The following CYB5R3 variants were observed in gnomAD, a reference collection of about 807,000 sequenced individuals.
The protein encoded by CYB5R3 is cytochrome b5 reductase 3.
Under a neutral mutation model 36.5 loss-of-function variants are expected in CYB5R3, and 28 were observed. The observed-to-expected ratio is 0.77, with a 90% CI of 0.57 to 1.05. The LOEUF (loss-of-function observed/expected upper bound fraction) is 1.05. Ranked by LOEUF, CYB5R3 falls within the 50% of genes least tolerant of loss-of-function variation. The probability of loss-of-function intolerance (pLI) is 0.00; values close to 1 mark genes in which losing one functional copy is unlikely to be tolerated. For synonymous variants in CYB5R3, 181 were observed against 159.8 expected (o/e 1.13, Z -1.00); for missense variants, 474 against 408.9 (o/e 1.16, Z -1.37).
At chr22:42,647,079 T>TGC in intron 1 of CYB5R3, 1 of 659,054 alleles carries the variant, frequency 1.5e-6, no homozygotes, top group Non-Finnish European at 1.9e-6. Flanking sequence ...ATAAGACACC[T>TGC]AGAGCACCAG....
At chr22:42,634,786 C>T (rs1261907458) in intron 2 of CYB5R3, among the ~76,000 whole-genome samples, 7 of 106,096 alleles carry the variant, frequency 6.6e-5, no homozygotes, top group Middle Eastern at 5.5e-3. Context: ...CCACCACGCC[C>T]GGCTAATTTT....
At position 42,623,855 on chromosome 22, in the gene CYB5R3, C is replaced by T. The variant is rs1395236707; in HGVS notation, c.667G>A (p.Glu223Lys). 1 of 1,614,166 alleles carries T rather than the reference C, an allele frequency of 6.2e-7. No homozygotes were observed. Among genetic ancestry groups the T allele is most frequent in the Admixed American group, 1.7e-5 (1 of 60,024 alleles). Residue 223 changes from glutamate (E) to lysine (K), a missense_variant, in exon 8 of 9, where the codon GAG becomes AAG. Glu to Lys is a moderately conservative substitution (Grantham distance 56, BLOSUM62 1). Coordinates refer to ENST00000352397, the MANE Select transcript of CYB5R3 (RefSeq NM_000398.7). ...EKDILLRPELEELRNKHSARF... is the reference protein window; with the variant it reads ...EKDILLRPELKELRNKHSARF... ...GCAGAATGTTTGTTCCTGAGTTCCT[C>T]CAGCTCAGGTCGCAGCAGGATGTCC... is the stretch of plus-strand genomic sequence containing the variant.
rs1927838207 is a variant in CYB5R3, at chr22:42,619,542, C to A, written c.*231G>T. 5.1e-6 allele frequency: 3 copies of A among 584,090 alleles called. No homozygotes were observed. The highest frequency in any genetic ancestry group is 3.0e-5 in the Admixed American group (1 of 33,258). 36.2% of individuals were successfully genotyped at this position (584,090 alleles called of 1,614,324 possible). A position where few individuals can be genotyped will look rare whatever the true frequency, so the allele number is the denominator to read the frequency against. On this transcript the variant is annotated 3_prime_UTR_variant, in exon 9 of 9. Transcript: ENST00000352397. ...TGGGGCTGGGCGTCTCTGGTAAGGACCAGTAAGTGCCAGGCAGGACGTACT... is the reference window on the plus strand; with the variant it reads ...TGGGGCTGGGCGTCTCTGGTAAGGAACAGTAAGTGCCAGGCAGGACGTACT...
intron 1 of CYB5R3, among the ~76,000 whole-genome samples, chr22:42,643,715 T>C (rs1005801382): frequency 6.6e-6 from 1 of 152,030 alleles, no homozygotes; most frequent in Non-Finnish European, 1.5e-5. Flanking sequence ...GGCCCAGGTG[T>C]TTCACTCATC....
intron 1 of CYB5R3, among the ~76,000 whole-genome samples, chr22:42,647,962 A>G (rs1929605374): frequency 6.6e-6 from 1 of 152,218 alleles, no homozygotes; most frequent in Admixed American, 6.5e-5. Flanking sequence ...ACACCACCAA[A>G]AACAGCAGGG....
intron 2 of CYB5R3, 57 bp downstream of exon 2, chr22:42,636,658 G>A (rs774883900): frequency 1.3e-6 from 2 of 1,596,804 alleles, no homozygotes; most frequent in Non-Finnish European, 1.7e-6. Flanking sequence ...TGAGCACAGA[G>A]TAGGTGCTGG....
At chr22:42,624,635 C>A (rs935394509) in intron 7 of CYB5R3, among the ~76,000 whole-genome samples, 46 of 135,972 alleles carry the variant, frequency 3.4e-4, no homozygotes, top group Admixed American at 2.3e-3. Context: ...ACATCACAGG[C>A]TGCTGCCCAG....
At chr22:42,638,466 T>C (rs1601944861) in intron 1 of CYB5R3, among the ~76,000 whole-genome samples, 1 of 125,554 alleles carries the variant, frequency 8.0e-6, no homozygotes, top group African/African-American at 3.1e-5. Flanking sequence ...GCTACTCAGA[T>C]GGCAGAGGCA....
chr22:42,635,640 G>C (rs570152015), intron 2 of CYB5R3, among the ~76,000 whole-genome samples: 1 of 152,326 alleles, frequency 6.6e-6, no homozygotes, highest in Admixed American at 6.5e-5. Context: ...AACAGTTACA[G>C]GAAACGGCCA....
intron 4 of CYB5R3, among the ~76,000 whole-genome samples, chr22:42,630,331 A>G (rs1249698105): frequency 6.6e-6 from 1 of 152,098 alleles, no homozygotes; most frequent in Non-Finnish European, 1.5e-5. Flanking sequence ...CCTGAGGGAC[A>G]TTTCTTAGGG....
At chr22:42,623,648 C>T (rs965501315) in intron 8 of CYB5R3, 141 bp downstream of exon 8, 35 of 686,654 alleles carry the variant, frequency 5.1e-5, no homozygotes, top group African/African-American at 3.7e-4. Flanking sequence ...ATCTGTGAGA[C>T]GGGGCCACAC....
chr22:42,620,011 A>G (rs1927881545), intron 8 of CYB5R3, 66 bp from the exon 9 acceptor site: 1 of 1,440,594 alleles, frequency 6.9e-7, no homozygotes, highest in African/African-American at 1.4e-5. Flanking sequence ...TGACCGACCA[A>G]CCCTAGGCGG....
At chr22:42,628,373 C>T (rs948997764) in intron 4 of CYB5R3, 92 bp from the exon 5 acceptor site, 46 of 1,536,388 alleles carry the variant, frequency 3.0e-5, no homozygotes, top group Non-Finnish European at 4.0e-5. Context: ...TCTTCTGCAG[C>T]TTCTTCTGAG....
At chr22:42,640,513 G>A in intron 1 of CYB5R3, 1 of 214,392 alleles carries the variant, frequency 4.7e-6, no homozygotes. Flanking sequence ...CGAGTAGCTG[G>A]GATTACAGGT....
In CYB5R3 at chr22:42,619,524, G is replaced by A. The variant is rs1423059036; in HGVS notation, c.*249C>T. On this transcript the variant is annotated 3_prime_UTR_variant, in exon 9 of 9. Coordinates refer to ENST00000352397, the MANE Select transcript of CYB5R3 (RefSeq NM_000398.7). ...GGGTCATGAGGACAGGGATGGGGCT[G>A]GGCGTCTCTGGTAAGGACCAGTAAG... The A allele has an allele frequency of 8.8e-6, 5 of 565,796 alleles. No homozygotes were observed. The East Asian group carries it at 1.5e-4, about 17-fold the overall frequency. The allele number at this position is 565,796 out of a possible 1,614,324, so 35.0% of individuals were successfully genotyped here.
intron 8 of CYB5R3, among the ~76,000 whole-genome samples, chr22:42,621,078 A>G (rs1927936962): frequency 6.6e-6 from 1 of 152,226 alleles, no homozygotes. Context: ...ATGGATCTGA[A>G]GTGGATCTGA....
chr22:42,635,946 G>A (rs1289298348), intron 2 of CYB5R3, among the ~76,000 whole-genome samples: 3 of 152,210 alleles, frequency 2.0e-5, no homozygotes, highest in African/African-American at 4.8e-5. Context: ...CGGGCACCAC[G>A]GCTCATGCCT....
chr22:42,649,211 C>T, intron 1 of CYB5R3, 84 bp downstream of exon 1: 1 of 616,872 alleles, frequency 1.6e-6, no homozygotes, highest in African/African-American at 2.0e-5. Context: ...CCCGCGTCAC[C>T]TCCCGCAGGC....
intron 5 of CYB5R3, 63 bp from the exon 6 acceptor site, chr22:42,627,751 C>A: frequency 1.6e-6 from 2 of 1,282,200 alleles, no homozygotes; most frequent in Non-Finnish European, 2.3e-6. Context: ...GCTGGAGAGG[C>A]TGGAGAGGGG....
Sources: gnomAD v4.1 joint callset for allele counts (sites outside exome capture counted in the v4.1 genomes callset) on GRCh38, gnomAD v4.1.1 for gene constraint, MANE v1.5 for transcripts, NCBI Gene and HGNC (gene_info 2026-07-23, HGNC 2026-07-21) for gene names.